Variants in SH3GL2 observed in about 807,000 individuals in gnomAD.
SH3GL2 encodes endophilin-A1.
Under a neutral mutation model 46.0 loss-of-function variants are expected in SH3GL2, and 24 were observed. The ratio of observed to expected loss-of-function variants is 0.52; its 90% CI spans 0.38 to 0.73. The LOEUF (loss-of-function observed/expected upper bound fraction) is 0.73. Ranked by LOEUF, SH3GL2 falls within the 30% of genes least tolerant of loss-of-function variation. The pLI is 0.00. For missense variants in SH3GL2, 413 were observed against 424.2 expected, an observed-to-expected ratio of 0.97 and a Z score of 0.23; for synonymous variants, 196 against 147.1, an observed-to-expected ratio of 1.33 and a Z score of -2.40.
intron 1 of SH3GL2, among the ~76,000 whole-genome samples, chr9:17,665,046 T>C (rs532604717): frequency 2.3e-4 from 35 of 152,302 alleles, no homozygotes; most frequent in African/African-American, 8.2e-4. Flanking sequence ...CTCTTTACCT[T>C]GATTCACCAG....
intron 3 of SH3GL2, among the ~76,000 whole-genome samples, chr9:17,763,199 A>G (rs975391472): frequency 2.6e-5 from 4 of 152,192 alleles, no homozygotes; most frequent in African/African-American, 9.7e-5. Flanking sequence ...TGTAACACAA[A>G]TTATCAGTGG....
rs933488815 is a variant in SH3GL2, at chr9:17,609,506, G to A, written c.45+30219G>A. On this transcript the variant is annotated intron_variant, in intron 1 of 8. Transcript: ENST00000380607. ...TCTGTGGTGAGCAGGGGAGCTCTCCGTGGGGCCACCTCCCTGCAGCTGTAG... is the reference window on the plus strand; with the variant it reads ...TCTGTGGTGAGCAGGGGAGCTCTCCATGGGGCCACCTCCCTGCAGCTGTAG... Among the ~76,000 whole-genome samples, 25 of 152,224 alleles carry A rather than the reference G, an allele frequency of 1.6e-4. 1 individual carries two copies. The highest frequency in any genetic ancestry group is 4.8e-4 in the African/African-American group (20 of 41,542).
chr9:17,616,586 G>A (rs143826932), intron 1 of SH3GL2, among the ~76,000 whole-genome samples: 193 of 152,222 alleles, frequency 1.3e-3, no homozygotes, highest in African/African-American at 4.5e-3. Flanking sequence ...AAATGATATA[G>A]CAAAGCAAAT....
rs768499968 is a variant in SH3GL2 at position 17,579,196 on chromosome 9, C to G, written c.-47C>G. 2.1e-6 allele frequency: 3 copies of G among 1,457,820 alleles called. No homozygotes were observed. The highest frequency in any genetic ancestry group is 1.5e-5 in the African/African-American group (1 of 68,248). 90.3% of individuals were successfully genotyped at this position (1,457,820 alleles called of 1,614,324 possible). A position where few individuals can be genotyped will look rare whatever the true frequency, so the allele number is the denominator to read the frequency against. On this transcript the variant is annotated 5_prime_UTR_variant, in exon 1 of 9. Coordinates refer to ENST00000380607, the MANE Select transcript of SH3GL2 (RefSeq NM_003026.5). Reference sequence around the variant, plus strand: ...CCCGCTCGGCCCTCCAGTCCCCCTCCGCCTCCTCCCTCCCGCACAGCAGCC... The same window carrying G: ...CCCGCTCGGCCCTCCAGTCCCCCTCGGCCTCCTCCCTCCCGCACAGCAGCC...
At chr9:17,628,752 C>A (rs1006270357) in intron 1 of SH3GL2, among the ~76,000 whole-genome samples, 3 of 151,748 alleles carry the variant, frequency 2.0e-5, no homozygotes, top group African/African-American at 7.3e-5. Flanking sequence ...ATATTGGGCA[C>A]TAAGTATTAA....
At chr9:17,783,276 C>G (rs912985785) in intron 3 of SH3GL2, among the ~76,000 whole-genome samples, 2 of 151,780 alleles carry the variant, frequency 1.3e-5, no homozygotes, top group African/African-American at 4.8e-5. Flanking sequence ...CTGCTGTTTT[C>G]CATGGAAAGC....
intron 1 of SH3GL2, among the ~76,000 whole-genome samples, chr9:17,694,301 G>A (rs1302337180): frequency 6.6e-6 from 1 of 152,102 alleles, no homozygotes; most frequent in Non-Finnish European, 1.5e-5. Context: ...TCTTCACAAT[G>A]GCGGAGCAGG....
intron 1 of SH3GL2, among the ~76,000 whole-genome samples, chr9:17,701,645 G>T (rs1294497135): frequency 1.3e-5 from 2 of 152,140 alleles, no homozygotes; most frequent in African/African-American, 2.4e-5. Context: ...TATGGGAATA[G>T]CCTACATAGA....
intron 2 of SH3GL2, among the ~76,000 whole-genome samples, chr9:17,760,608 A>G (rs1823142785): frequency 1.3e-5 from 2 of 152,160 alleles, no homozygotes; most frequent in Admixed American, 6.5e-5. Flanking sequence ...TGATACCTAA[A>G]TTTCTACATT....
chr9:17,679,009 G>C (rs1427155721), intron 1 of SH3GL2, among the ~76,000 whole-genome samples: 2 of 152,126 alleles, frequency 1.3e-5, no homozygotes, highest in African/African-American at 2.4e-5. Flanking sequence ...TTTGGTACCA[G>C]TACCATGCTG....
intron 1 of SH3GL2, among the ~76,000 whole-genome samples, chr9:17,663,281 GTGA>G (rs1337036771): frequency 4.6e-5 from 7 of 152,194 alleles, no homozygotes; most frequent in Admixed American, 1.3e-4. Context: ...TACATTGACT[GTGA>G]TGATTGTTAT....
chr9:17,728,991 C>T (rs188825348), intron 1 of SH3GL2, among the ~76,000 whole-genome samples: 26 of 152,120 alleles, frequency 1.7e-4, no homozygotes, highest in African/African-American at 5.5e-4. Flanking sequence ...GTATATACTC[C>T]GTAATGGGAT....
At chr9:17,747,271 T>G in intron 2 of SH3GL2, 137 bp downstream of exon 2, 1 of 569,950 alleles carries the variant, frequency 1.8e-6, no homozygotes, top group Admixed American at 3.4e-5. Flanking sequence ...TAAAACTACT[T>G]TTCATGTATG....
chr9:17,775,570 C>G (rs950752766), intron 3 of SH3GL2, among the ~76,000 whole-genome samples: 1 of 152,134 alleles, frequency 6.6e-6, no homozygotes, highest in Non-Finnish European at 1.5e-5. Flanking sequence ...TTCTAAGTTT[C>G]TGGACCAGAT....
intron 1 of SH3GL2, among the ~76,000 whole-genome samples, chr9:17,702,482 T>G (rs561040670): frequency 1.8e-4 from 28 of 152,166 alleles, no homozygotes; most frequent in African/African-American, 6.7e-4. Context: ...CGAAAAAATT[T>G]AAACAGATGG....
At chr9:17,664,833 T>C (rs950375221) in intron 1 of SH3GL2, among the ~76,000 whole-genome samples, 2 of 151,816 alleles carry the variant, frequency 1.3e-5, no homozygotes, top group Admixed American at 1.3e-4. Context: ...CACTCAACTG[T>C]CCTAGAGGAC....
At chr9:17,686,129 G>A (rs1820903277) in intron 1 of SH3GL2, among the ~76,000 whole-genome samples, 1 of 134,284 alleles carries the variant, frequency 7.4e-6, no homozygotes, top group South Asian at 2.5e-4. Context: ...GTGGGCGAAG[G>A]ACATGAACAG....
At chr9:17,784,576 A>G (rs989984768) in intron 3 of SH3GL2, among the ~76,000 whole-genome samples, 1 of 152,114 alleles carries the variant, frequency 6.6e-6, no homozygotes, top group Middle Eastern at 3.2e-3. Context: ...GATAATATTT[A>G]TCATACTTGT....
intron 1 of SH3GL2, among the ~76,000 whole-genome samples, chr9:17,730,719 C>T (rs1822155051): frequency 6.6e-6 from 1 of 151,710 alleles, no homozygotes; most frequent in Non-Finnish European, 1.5e-5. Flanking sequence ...AAGATACTCT[C>T]CTAAATTTTA....
Sources: allele counts gnomAD v4.1 joint callset (sites outside exome capture counted in the v4.1 genomes callset), GRCh38; gene constraint gnomAD v4.1.1; transcripts MANE v1.5; gene names NCBI Gene and HGNC (gene_info 2026-07-23, HGNC 2026-07-21).